The following ZNF763 variants were observed in gnomAD, a reference collection of about 807,000 sequenced individuals.
The protein encoded by ZNF763 is DNA-binding protein.
A neutral mutation model predicts 38.0 loss-of-function variants in ZNF763; 33 were observed. The observed-to-expected ratio is 0.87, with a 90% CI of 0.66 to 1.16. The LOEUF is 1.16. Among genes scored for constraint, ZNF763 ranks in the 50% most tolerant of loss-of-function variants. The pLI is 0.00. For missense variants in ZNF763, 423 were observed against 469.1 expected, an observed-to-expected ratio of 0.90 and a Z score of 0.91; for synonymous variants, 155 against 160.1, an observed-to-expected ratio of 0.97 and a Z score of 0.24.
At chr19:11,966,665 C>T (rs529642327) in intron 1 of ZNF763, among the ~76,000 whole-genome samples, 21 of 152,252 alleles carry the variant, frequency 1.4e-4, no homozygotes, top group East Asian at 9.7e-4. Context: ...TGAGCCACCT[C>T]GCCTGGCCGC....
At chr19:11,971,946 C>T (rs1274975228) in intron 1 of ZNF763, among the ~76,000 whole-genome samples, 1 of 151,740 alleles carries the variant, frequency 6.6e-6, no homozygotes, top group Non-Finnish European at 1.5e-5. Context: ...CCTGTAATCC[C>T]AGCTACTCAG....
In ZNF763 at chr19:11,978,184, T is replaced by G. The variant is rs759758957; in HGVS notation, c.260T>G (p.Val87Gly). 1.9e-6 allele frequency: 3 copies of G among 1,613,956 alleles called. No individual in the cohort carries two copies. The African/African-American group carries it at 4.0e-5, about 22-fold the overall frequency. Residue 87 changes from valine (V) to glycine (G), a missense_variant, in exon 4 of 4, where the codon GTT becomes GGT. Transcript: ENST00000358987. ...DSHCGETFTQ[V>G]PDDRLNFQEK... ...CATTGTGGAGAAACTTTTACCCAGGTTCCAGATGACAGGCTGAACTTCCAG... is the reference window on the plus strand; with the variant it reads ...CATTGTGGAGAAACTTTTACCCAGGGTCCAGATGACAGGCTGAACTTCCAG...
At position 11,979,239 on chromosome 19, in the gene ZNF763, G is replaced by C. The variant is rs279141; in HGVS notation, c.*130G>C. On this transcript the variant is annotated 3_prime_UTR_variant, in exon 4 of 4. Coordinates refer to ENST00000358987, the MANE Select transcript of ZNF763 (RefSeq NM_001367172.2). ...CCTTCAATCTTTCCAGTTCCTTTCA[G>C]TATCATGAAAGGACTCACACTGGAG... 1.2e-6 allele frequency: 2 copies of C among 1,612,228 alleles called. No individual in the cohort carries two copies. Among genetic ancestry groups the C allele is most frequent in the East Asian group, 2.2e-5 (1 of 44,772 alleles).
At chr19:11,972,002 C>T (rs916551794) in intron 1 of ZNF763, among the ~76,000 whole-genome samples, 6 of 150,676 alleles carry the variant, frequency 4.0e-5, no homozygotes, top group African/African-American at 9.8e-5. Flanking sequence ...ACAGAGATTG[C>T]AGTGAGCCAA....
At chr19:11,972,843 C>G (rs1973378780) in intron 1 of ZNF763, among the ~76,000 whole-genome samples, 1 of 151,920 alleles carries the variant, frequency 6.6e-6, no homozygotes, top group Admixed American at 6.6e-5. Flanking sequence ...TGTAATCCTA[C>G]CACTTAGGGA....
At chr19:11,971,318 C>A (rs1343005710) in intron 1 of ZNF763, among the ~76,000 whole-genome samples, 1 of 152,140 alleles carries the variant, frequency 6.6e-6, no homozygotes, top group African/African-American at 2.4e-5. Context: ...GAGCACTAAT[C>A]TCATTCGGAA....
Position 11,979,253 on chromosome 19 carries a change from C to T in ZNF763, c.*144C>T. 1.2e-6 allele frequency: 2 copies of T among 1,613,436 alleles called. No individual in the cohort carries two copies. Among genetic ancestry groups the T allele is most frequent in the Non-Finnish European group, 8.5e-7 (1 of 1,179,822 alleles). On this transcript the variant is annotated 3_prime_UTR_variant, in exon 4 of 4. Transcript: ENST00000358987. The stretch of plus-strand genomic sequence containing the variant: ...AGTTCCTTTCAGTATCATGAAAGGA[C>T]TCACACTGGAGAGAAACCCTATGAG...
rs371228941 is a variant in ZNF763 at position 11,978,131 on chromosome 19, G to A, written c.207G>A (p.Gly69=). 114 of 1,612,966 alleles carry A rather than the reference G, an allele frequency of 7.1e-5. No homozygotes were observed. In the African/African-American group the frequency reaches 1.3e-3, roughly 19 times the overall value. ...PRRNFRSLIE[G]NVNEIKEDSH... is the part of the protein sequence containing the mutation. ...CTTTTGACAGGAGTCTCATAGAAGG[G>A]AATGTCAATGAAATTAAAGAAGACA... The change falls in exon 4 of 4, where the codon GGG becomes GGA. Residue 69 remains glycine (G), a synonymous_variant. Transcript: ENST00000358987.
At chr19:11,975,165 G>C (rs114440664) in intron 1 of ZNF763, among the ~76,000 whole-genome samples, 2,852 of 150,946 alleles carry the variant, frequency 0.019, 36 homozygotes, top group African/African-American at 0.026. Context: ...ATGGTGGAAT[G>C]TCAGCTCACC....
chr19:11,976,069 G>A (rs955222009), intron 1 of ZNF763, among the ~76,000 whole-genome samples: 6 of 145,288 alleles, frequency 4.1e-5, no homozygotes, highest in Non-Finnish European at 7.5e-5. Context: ...CTAGCATGCC[G>A]GATTTGGGTG....
intron 1 of ZNF763, among the ~76,000 whole-genome samples, chr19:11,973,996 TG>T (rs1048426538): frequency 6.6e-6 from 1 of 152,170 alleles, no homozygotes; most frequent in Admixed American, 6.5e-5. Context: ...TGTCAGTGTT[TG>T]GGATTTAGGC....
chr19:11,967,563 T>C (rs1467299361), intron 1 of ZNF763, among the ~76,000 whole-genome samples: 3 of 151,920 alleles, frequency 2.0e-5, no homozygotes, highest in Non-Finnish European at 4.4e-5. Flanking sequence ...GCCACCACGC[T>C]CGGCTAATTT....
chr19:11,977,491 T>A (rs1009103903), intron 3 of ZNF763, 60 bp downstream of exon 3: 47 of 1,572,354 alleles, frequency 3.0e-5, no homozygotes, highest in Non-Finnish European at 4.1e-5. Context: ...TGATAATATG[T>A]TGAAGAGAAG....
chr19:11,975,064 TGCA>T (rs1568309147), intron 1 of ZNF763, among the ~76,000 whole-genome samples: 1 of 152,166 alleles, frequency 6.6e-6, no homozygotes, highest in African/African-American at 2.4e-5. Context: ...TGATGTTTCT[TGCA>T]TGTCATAGTA....
In ZNF763 at chr19:11,977,424, A is replaced by C. The variant is rs767094692; in HGVS notation, c.184A>C (p.Asn62His). 2 of 1,614,002 alleles carry C rather than the reference A, an allele frequency of 1.2e-6. No individual in the cohort carries two copies. Among genetic ancestry groups the C allele is most frequent in the East Asian group, 4.5e-5 (2 of 44,866 alleles). ...ATATGAGTACCAAAACCCCAGGAGA[A>C]ACTTCAGGTAATTGGCACTTAAAGA... Reference protein sequence around the residue: ...IEYEYQNPRRNFRSLIEGNVN... With the variant: ...IEYEYQNPRRHFRSLIEGNVN... The change falls in exon 3 of 4, where the codon AAC (asparagine) becomes CAC (histidine). Residue 62 changes from asparagine (N) to histidine (H), a missense_variant. Physicochemically the swap from Asn to His is moderately conservative, Grantham distance 68. Coordinates refer to ENST00000358987, the MANE Select transcript of ZNF763 (RefSeq NM_001367172.2).
chr19:11,979,694 C>T lies in ZNF763; in HGVS notation c.*585C>T. The T allele has an allele frequency of 5.2e-6, 8 of 1,539,740 alleles. No homozygotes were observed. On this transcript the variant is annotated 3_prime_UTR_variant, in exon 4 of 4. Coordinates refer to ENST00000358987, the MANE Select transcript of ZNF763 (RefSeq NM_001367172.2). ...CCTTCAAATGCATGCTGGGACTCACCCTGAAGAGAAGCCCTACGAGTGTAA... is the reference window on the plus strand; with the variant it reads ...CCTTCAAATGCATGCTGGGACTCACTCTGAAGAGAAGCCCTACGAGTGTAA...
chr19:11,979,245 T>G lies in ZNF763; in HGVS notation c.*136T>G. ...ATCTTTCCAGTTCCTTTCAGTATCA[T>G]GAAAGGACTCACACTGGAGAGAAAC... is the stretch of plus-strand genomic sequence containing the variant. On this transcript the variant is annotated 3_prime_UTR_variant, in exon 4 of 4. Transcript: ENST00000358987. 6 of 1,612,810 alleles carry G rather than the reference T, an allele frequency of 3.7e-6. No homozygotes were observed. The highest frequency in any genetic ancestry group is 2.7e-5 in the African/African-American group (2 of 74,832).
Position 11,974,071 on chromosome 19 carries a change from TTCTTTCTTTCTTTCTTTC to T in ZNF763, c.4-2965_4-2948del, listed in dbSNP as rs1299952796. On this transcript the variant is annotated intron_variant, in intron 1 of 3. Coordinates refer to ENST00000358987, the MANE Select transcript of ZNF763 (RefSeq NM_001367172.2). Reference sequence around the variant, plus strand: ...TTCTTTCTTTCTTTCCTTCTTTCTTTTCTTTCTTTCTTTCTTTCTTTCTTTCTTTCTTTCTTTCTTTCT... The same window carrying T: ...TTCTTTCTTTCTTTCCTTCTTTCTTTTTTCTTTCTTTCTTTCTTTCTTTCT... 2.3e-3 allele frequency among the ~76,000 whole-genome samples: 140 copies of T among 61,156 alleles called. 1 individual carries two copies. Among genetic ancestry groups the T allele is most frequent in the Non-Finnish European group, 4.9e-4 (14 of 28,650 alleles). The allele number at this position is 61,156 out of a possible 152,430, so 40.1% of individuals were successfully genotyped here.
Position 11,978,989 on chromosome 19 carries a change from T to C in ZNF763, c.1065T>C (p.Leu355=). 1 of 1,614,180 alleles carries C rather than the reference T, an allele frequency of 6.2e-7. No individual in the cohort carries two copies. The part of the protein sequence containing the change: ...CRKAFTYPSS[L]RRHERTHSAK... ...AAGCATTCACGTATCCCAGTTCCCT[T>C]CGTAGACATGAAAGGACCCACTCTG... Residue 355 remains leucine (L), a synonymous_variant, in exon 4 of 4, where the codon CTT becomes CTC. Coordinates refer to ENST00000358987, the MANE Select transcript of ZNF763 (RefSeq NM_001367172.2).
Sources: allele counts gnomAD v4.1 joint callset (sites outside exome capture counted in the v4.1 genomes callset), GRCh38; gene constraint gnomAD v4.1.1; transcripts MANE v1.5; gene names NCBI Gene and HGNC (gene_info 2026-07-23, HGNC 2026-07-21).